SINHCAF: variants seen among roughly 807,000 people sequenced by gnomAD.
SINHCAF encodes SIN3-HDAC complex associated factor, also known as SIN3-HDAC complex-associated factor.
In SINHCAF, 3 loss-of-function variants were observed where a neutral mutation model predicts 25.8. The ratio of observed to expected loss-of-function variants is 0.12; its 90% CI spans 0.05 to 0.30. The LOEUF is 0.30. Ranked by LOEUF, SINHCAF falls within the 10% of genes least tolerant of loss-of-function variation. SINHCAF has a pLI of 1.00. For synonymous variants in SINHCAF, 70 were observed against 85.5 expected, an observed-to-expected ratio of 0.82 and a Z score of 1.00; for missense variants, 121 against 262.3, an observed-to-expected ratio of 0.46 and a Z score of 3.72.
At chr12:31,321,198 T>C (rs546093752) in intron 1 of SINHCAF, among the ~76,000 whole-genome samples, 1 of 152,262 alleles carries the variant, frequency 6.6e-6, no homozygotes, top group South Asian at 2.1e-4. Context: ...AAAGTCTCAA[T>C]TTATAACACC....
At position 31,282,823 on chromosome 12, in the gene SINHCAF, G is replaced by A. The variant is rs985725912; in HGVS notation, c.555C>T (p.Val185=). 3.1e-6 allele frequency: 5 copies of A among 1,611,982 alleles called. No individual in the cohort carries two copies. Among genetic ancestry groups the A allele is most frequent in the Non-Finnish European group, 3.4e-6 (4 of 1,179,416 alleles). ...GIIYKGRFGE[V]LIDTHLFKPC... is the part of the protein sequence containing the mutation. ...GCTTGAAGAGATGTGTGTCAATGAG[G>A]ACTTCCCCAAAACGGCCTTTATAGA... The change falls in exon 6 of 6, where the codon GTC becomes GTT. Residue 185 remains valine (V), a synonymous_variant. Transcript: ENST00000337682.
In SINHCAF at chr12:31,325,295, C is replaced by T. The variant is rs1240136541; in HGVS notation, c.-21+729G>A. The T allele has an allele frequency of 4.4e-6, 2 of 452,532 alleles. No individual in the cohort carries two copies. Among genetic ancestry groups the T allele is most frequent in the Admixed American group, 2.4e-5 (1 of 41,498 alleles). The allele number at this position is 452,532 out of a possible 1,614,324, so 28.0% of individuals were successfully genotyped here. A position where few individuals can be genotyped will look rare whatever the true frequency, so the allele number is the denominator to read the frequency against. ...GCTCTTGGGCGCGGTCCGAAGAGGG[C>T]AGGCGAGTGGAAGACGGGCTGTTTT... On this transcript the variant is annotated intron_variant, in intron 1 of 5. Transcript: ENST00000337682. This position sits in a 1 kb window ranked among gnomAD's most constrained non-coding sequence, Gnocchi z 5.9.
chr12:31,309,064 G>T (rs1018730453), intron 1 of SINHCAF, among the ~76,000 whole-genome samples: 3 of 149,768 alleles, frequency 2.0e-5, no homozygotes, highest in African/African-American at 7.4e-5. Flanking sequence ...GGAGGTGGAG[G>T]CTGCAGTGAG....
chr12:31,322,985 G>T (rs749088718), intron 1 of SINHCAF, among the ~76,000 whole-genome samples: 2 of 152,178 alleles, frequency 1.3e-5, no homozygotes, highest in African/African-American at 2.4e-5. Flanking sequence ...GAGGTAACCA[G>T]AAGGTCAACC....
At chr12:31,318,620 A>T (rs562221575) in intron 1 of SINHCAF, among the ~76,000 whole-genome samples, 3 of 150,436 alleles carry the variant, frequency 2.0e-5, no homozygotes, top group African/African-American at 7.4e-5. Flanking sequence ...AGATAGTGTA[A>T]AACACCAGGC....
intron 1 of SINHCAF, among the ~76,000 whole-genome samples, chr12:31,306,706 A>G (rs1480882037): frequency 6.6e-6 from 1 of 152,212 alleles, no homozygotes; most frequent in African/African-American, 2.4e-5. Context: ...TGGAACCTTT[A>G]TAATTGCCAA....
Position 31,325,154 on chromosome 12 carries a change from C to T in SINHCAF, c.-21+870G>A, listed in dbSNP as rs1006665538. ...CAAGTTGGCTTCCCTGGCCATCTTACAGCGCGGACGGCCGCCCATAAACGG... is the reference window on the plus strand; with the variant it reads ...CAAGTTGGCTTCCCTGGCCATCTTATAGCGCGGACGGCCGCCCATAAACGG... On this transcript the variant is annotated intron_variant, in intron 1 of 5. Coordinates refer to ENST00000337682, the MANE Select transcript of SINHCAF (RefSeq NM_001135812.2). The surrounding 1 kb of genome is among the most constrained non-coding windows in gnomAD (Gnocchi z 5.9). 2.2e-6 allele frequency: 1 copy of T among 456,738 alleles called. No homozygotes were observed. Among genetic ancestry groups the T allele is most frequent in the Non-Finnish European group, 4.4e-6 (1 of 226,936 alleles). The allele number at this position is 456,738 out of a possible 1,614,324, so 28.3% of individuals were successfully genotyped here.
intron 2 of SINHCAF, 71 bp from the exon 3 acceptor site, chr12:31,295,404 TG>T: frequency 9.7e-7 from 1 of 1,036,188 alleles, no homozygotes; most frequent in East Asian, 2.4e-5. Flanking sequence ...ACATTTCTTT[TG>T]GGGAAAAAAC....
chr12:31,318,722 A>G (rs1378195962), intron 1 of SINHCAF, among the ~76,000 whole-genome samples: 1 of 152,210 alleles, frequency 6.6e-6, no homozygotes, highest in Non-Finnish European at 1.5e-5. Context: ...TACATGAAAA[A>G]AAAAACTGAA....
At chr12:31,311,470 A>G (rs1345538783) in intron 1 of SINHCAF, 1 of 177,310 alleles carries the variant, frequency 5.6e-6, no homozygotes, top group Non-Finnish European at 1.2e-5. Context: ...TATGGCCCAT[A>G]ATTTGGCCTT....
chr12:31,307,953 T>TA lies in SINHCAF; in HGVS notation c.-20-9730dup, dbSNP rs3837503. Among the ~76,000 whole-genome samples, 21 of 150,892 alleles carry TA rather than the reference T, an allele frequency of 1.4e-4. 1 individual carries two copies. In the East Asian group the frequency reaches 1.7e-3, roughly 13 times the overall value. On this transcript the variant is annotated intron_variant, in intron 1 of 5. Coordinates refer to ENST00000337682, the MANE Select transcript of SINHCAF (RefSeq NM_001135812.2). ...ATTGCTGGGGCATTTATTAACCTTT[T>TA]AAAAAAAAACAACAACAACAGACTC...
chr12:31,307,846 T>A (rs1355756659), intron 1 of SINHCAF, among the ~76,000 whole-genome samples: 1 of 152,174 alleles, frequency 6.6e-6, no homozygotes, highest in Non-Finnish European at 1.5e-5. Flanking sequence ...TATAATAGCC[T>A]ATAGGTCTGA....
In SINHCAF at chr12:31,325,849, G is replaced by A. The variant is rs1406639688; in HGVS notation, c.-21+175C>T. On this transcript the variant is annotated intron_variant, in intron 1 of 5. Coordinates refer to ENST00000337682, the MANE Select transcript of SINHCAF (RefSeq NM_001135812.2). The surrounding 1 kb of genome is among the most constrained non-coding windows in gnomAD (Gnocchi z 5.9). ...ACACGAGCGTACCAAAGAACCTGGG[G>A]TCTGAAGATCACGAAAACAGCGCTC... 1.3e-5 allele frequency: 2 copies of A among 152,308 alleles called. No individual in the cohort carries two copies. Among genetic ancestry groups the A allele is most frequent in the Non-Finnish European group, 2.9e-5 (2 of 68,152 alleles). The allele number at this position is 152,308 out of a possible 1,614,324, so 9.4% of individuals were successfully genotyped here. A position where few individuals can be genotyped will look rare whatever the true frequency, so the allele number is the denominator to read the frequency against.
At chr12:31,320,679 T>C (rs1480845226) in intron 1 of SINHCAF, among the ~76,000 whole-genome samples, 1 of 152,196 alleles carries the variant, frequency 6.6e-6, no homozygotes, top group African/African-American at 2.4e-5. Context: ...AAAGGAGTCA[T>C]TGTTTGCACT....
intron 1 of SINHCAF, among the ~76,000 whole-genome samples, chr12:31,320,547 T>C (rs543734687): frequency 3.3e-5 from 5 of 152,044 alleles, no homozygotes; most frequent in Admixed American, 3.3e-4. Flanking sequence ...CAGAAACGGG[T>C]AGAATTTGCT....
intron 5 of SINHCAF, among the ~76,000 whole-genome samples, chr12:31,285,658 A>G (rs1027801715): frequency 5.3e-5 from 8 of 152,206 alleles, no homozygotes; most frequent in Admixed American, 3.3e-4. Context: ...GTGTTTTCAC[A>G]TAATGCTTCA....
chr12:31,322,514 T>C (rs549707080), intron 1 of SINHCAF, among the ~76,000 whole-genome samples: 2 of 152,188 alleles, frequency 1.3e-5, no homozygotes, highest in African/African-American at 2.4e-5. Context: ...CCTTTTGGTA[T>C]TGTAATTTGG....
At chr12:31,315,206 T>A (rs1939451232) in intron 1 of SINHCAF, among the ~76,000 whole-genome samples, 1 of 152,228 alleles carries the variant, frequency 6.6e-6, no homozygotes, top group Non-Finnish European at 1.5e-5. Flanking sequence ...TTGGTTCATA[T>A]TCAGTGATGT....
chr12:31,310,226 G>A (rs1939211119), intron 1 of SINHCAF, among the ~76,000 whole-genome samples: 1 of 152,134 alleles, frequency 6.6e-6, no homozygotes. Flanking sequence ...TAAAGCAAGG[G>A]ATGGGTTTAT....
Sources: gnomAD v4.1 joint callset for allele counts (sites outside exome capture counted in the v4.1 genomes callset) on GRCh38, gnomAD v4.1.1 for gene constraint, Gnocchi (gnomAD v3.1) non-coding constraint, MANE v1.5 for transcripts, NCBI Gene and HGNC (gene_info 2026-07-23, HGNC 2026-07-21) for gene names.